The following CAMK1D variants were observed in gnomAD, a reference collection of about 807,000 sequenced individuals.
CAMK1D encodes the protein calcium/calmodulin dependent protein kinase ID.
A neutral mutation model predicts 47.7 loss-of-function variants in CAMK1D; 9 were observed. That is an observed-to-expected ratio of 0.19 (90% CI 0.11 to 0.33). CAMK1D has a LOEUF of 0.33. CAMK1D is among the 10% of genes least tolerant of loss of function. CAMK1D has a pLI of 1.00. For missense variants in CAMK1D, 291 were observed against 488.7 expected (o/e 0.60, Z 3.81); for synonymous variants, 184 against 184.9 (o/e 0.99, Z 0.04).
In CAMK1D at chr10:12,380,583, C is replaced by G. The variant is rs76968364; in HGVS notation, c.92+30673C>G. 4.0e-3 allele frequency among the ~76,000 whole-genome samples: 615 copies of G among 152,260 alleles called. 14 individuals carry two copies. The East Asian group carries it at 0.047, about 12-fold the overall frequency. On this transcript the variant is annotated intron_variant, in intron 1 of 10. Transcript: ENST00000619168. ...TGTTTAAGACCATTTCTCAGCTGGGCGCAGTGGCTCATGCCTGTAATCCCA... is the reference window on the plus strand; with the variant it reads ...TGTTTAAGACCATTTCTCAGCTGGGGGCAGTGGCTCATGCCTGTAATCCCA...
intron 1 of CAMK1D, among the ~76,000 whole-genome samples, chr10:12,355,482 G>A (rs575880506): frequency 1.1e-4 from 17 of 150,632 alleles, no homozygotes; most frequent in East Asian, 4.0e-4. Flanking sequence ...GTGTGCGCGC[G>A]CGTGCGTGTG....
intron 2 of CAMK1D, among the ~76,000 whole-genome samples, chr10:12,599,223 G>T (rs988259408): frequency 6.6e-6 from 1 of 152,164 alleles, no homozygotes; most frequent in African/African-American, 2.4e-5. Context: ...AAAAATTATG[G>T]TGAAGGTTTT....
chr10:12,682,738 A>T (rs1187530764), intron 3 of CAMK1D, among the ~76,000 whole-genome samples: 3 of 152,324 alleles, frequency 2.0e-5, no homozygotes, highest in Non-Finnish European at 4.4e-5. Context: ...TTAAAAAATG[A>T]ATTTCCCAGA....
At position 12,603,802 on chromosome 10, in the gene CAMK1D, G is replaced by A. The variant is rs1423259603; in HGVS notation, c.224+50446G>A. Reference sequence around the variant, plus strand: ...CACATCTCCAACCAGTCATGAAGGGGCCTGAAGTGATCTTTGCTGTTTCAT... The same window carrying A: ...CACATCTCCAACCAGTCATGAAGGGACCTGAAGTGATCTTTGCTGTTTCAT... On this transcript the variant is annotated intron_variant, in intron 2 of 10. Transcript: ENST00000619168. Among the ~76,000 whole-genome samples the A allele has an allele frequency of 3.3e-5, 5 of 152,266 alleles. No homozygotes were observed. The East Asian group carries it at 9.7e-4, about 29-fold the overall frequency.
At chr10:12,469,676 T>C (rs1271935727) in intron 1 of CAMK1D, among the ~76,000 whole-genome samples, 4 of 152,256 alleles carry the variant, frequency 2.6e-5, no homozygotes, top group African/African-American at 9.6e-5. Flanking sequence ...TAGTATATTA[T>C]TTCATAAGCT....
Position 12,832,027 on chromosome 10 carries a change from A to G in CAMK1D, c.*3140A>G, listed in dbSNP as rs58734899. ...GGGCTGAGGCTAAGGGTGGACGCGT[A>G]GACCCCATCACAGGCTTCCTTCCTG... On this transcript the variant is annotated 3_prime_UTR_variant, in exon 11 of 11. Transcript: ENST00000619168. The G allele has an allele frequency of 0.032, 4,834 of 152,326 alleles. 236 individuals are homozygous for G. Among genetic ancestry groups the G allele is most frequent in the African/African-American group, 0.11 (4,596 of 41,476 alleles). 9.4% of individuals were successfully genotyped at this position (152,326 alleles called of 1,614,324 possible).
At chr10:12,446,765 C>G (rs573531739) in intron 1 of CAMK1D, among the ~76,000 whole-genome samples, 1 of 152,302 alleles carries the variant, frequency 6.6e-6, no homozygotes, top group African/African-American at 2.4e-5. Flanking sequence ...GATTCCCAAG[C>G]CCTTTGGAGT....
At chr10:12,741,987 C>T (rs1199547742) in intron 3 of CAMK1D, among the ~76,000 whole-genome samples, 1 of 152,166 alleles carries the variant, frequency 6.6e-6, no homozygotes, top group Admixed American at 6.5e-5. Flanking sequence ...CCAACAGTGC[C>T]AGCATCTGGG....
intron 1 of CAMK1D, among the ~76,000 whole-genome samples, chr10:12,478,615 C>G (rs1253122136): frequency 6.6e-6 from 1 of 152,048 alleles, no homozygotes; most frequent in Non-Finnish European, 1.5e-5. Context: ...ACGGGGTGCA[C>G]TTTTATTTCC....
chr10:12,460,261 C>CT (rs34911316), intron 1 of CAMK1D, among the ~76,000 whole-genome samples: 37,584 of 142,058 alleles, frequency 0.26, 5,152 homozygotes, highest in Middle Eastern at 0.37. Context: ...TTTCTCTATT[C>CT]TTTTTTTTTT....
At chr10:12,734,517 T>C (rs1383901404) in intron 3 of CAMK1D, among the ~76,000 whole-genome samples, 3 of 146,084 alleles carry the variant, frequency 2.1e-5, no homozygotes, top group Admixed American at 6.9e-5. Context: ...CACATATATA[T>C]ACACGTATAT....
chr10:12,605,829 T>C (rs1838442120), intron 2 of CAMK1D, among the ~76,000 whole-genome samples: 2 of 152,156 alleles, frequency 1.3e-5, no homozygotes, highest in African/African-American at 2.4e-5. Context: ...ACAGGAGTTA[T>C]TGAGAAACCA....
At chr10:12,420,665 C>T (rs538822010) in intron 1 of CAMK1D, among the ~76,000 whole-genome samples, 1 of 152,108 alleles carries the variant, frequency 6.6e-6, no homozygotes, top group South Asian at 2.1e-4. Context: ...GTTGGATAAT[C>T]CAGGAAGGTT....
chr10:12,543,787 G>A (rs1238600757), intron 1 of CAMK1D, among the ~76,000 whole-genome samples: 2 of 152,116 alleles, frequency 1.3e-5, no homozygotes, highest in Non-Finnish European at 2.9e-5. Context: ...TGGTCGCTTG[G>A]ACCTCAGATC....
chr10:12,721,318 CA>C (rs1394863938), intron 3 of CAMK1D, among the ~76,000 whole-genome samples: 1 of 152,168 alleles, frequency 6.6e-6, no homozygotes, highest in African/African-American at 2.4e-5. Flanking sequence ...CTTCTTGTTC[CA>C]AATATAACCA....
rs999959134 is a variant in CAMK1D at position 12,724,148 on chromosome 10, C to T, written c.300-36800C>T. On this transcript the variant is annotated intron_variant, in intron 3 of 10. Coordinates refer to ENST00000619168, the MANE Select transcript of CAMK1D (RefSeq NM_153498.4). ...GGATTACAGACGCCGGCCACCATGC[C>T]GGGCCAAATTTTTATATTTGTAATA... Among the ~76,000 whole-genome samples, 6 of 152,186 alleles carry T rather than the reference C, an allele frequency of 3.9e-5. No homozygotes were observed. In the East Asian group the frequency reaches 5.8e-4, roughly 15 times the overall value.
At chr10:12,414,679 T>C (rs1317353041) in intron 1 of CAMK1D, among the ~76,000 whole-genome samples, 1 of 152,232 alleles carries the variant, frequency 6.6e-6, no homozygotes, top group African/African-American at 2.4e-5. Flanking sequence ...TTAGGCAAAG[T>C]GTTGAAGAAA....
intron 4 of CAMK1D, among the ~76,000 whole-genome samples, chr10:12,767,964 C>T (rs981891543): frequency 3.9e-5 from 6 of 152,206 alleles, no homozygotes; most frequent in Non-Finnish European, 5.9e-5. Flanking sequence ...CCTCCGCCTC[C>T]TGGGTTCAAG....
intron 2 of CAMK1D, among the ~76,000 whole-genome samples, chr10:12,627,167 C>T (rs11592962): frequency 0.21 from 32,191 of 150,644 alleles, 3,776 homozygotes; most frequent in South Asian, 0.32. Context: ...CTGCAAGCTC[C>T]GCCTCCCGGG....
Sources: allele counts gnomAD v4.1 joint callset (sites outside exome capture counted in the v4.1 genomes callset), GRCh38; gene constraint gnomAD v4.1.1; transcripts MANE v1.5; gene names NCBI Gene and HGNC (gene_info 2026-07-23, HGNC 2026-07-21).